The following PIP4K2A variants were observed in gnomAD, a reference collection of about 807,000 sequenced individuals.
PIP4K2A encodes the protein phosphatidylinositol-5-phosphate 4-kinase type 2 alpha.
Under a neutral mutation model 42.9 loss-of-function variants are expected in PIP4K2A, and 14 were observed. That is an observed-to-expected ratio of 0.33 (90% CI 0.22 to 0.51). PIP4K2A has a LOEUF of 0.51. Among genes scored for constraint, PIP4K2A ranks in the 20% least tolerant of loss-of-function variants. The probability of loss-of-function intolerance (pLI) is 0.97; values close to 1 mark genes in which losing one functional copy is unlikely to be tolerated. For missense variants in PIP4K2A, 434 were observed against 519.8 expected, an observed-to-expected ratio of 0.83 and a Z score of 1.61; for synonymous variants, 192 against 192.2, an observed-to-expected ratio of 1.00 and a Z score of 0.01.
chr10:22,549,149 T>C (rs1836331608), intron 7 of PIP4K2A, among the ~76,000 whole-genome samples: 1 of 152,228 alleles, frequency 6.6e-6, no homozygotes. Flanking sequence ...CAAGTATGTA[T>C]ACTATAAAGG....
intron 1 of PIP4K2A, among the ~76,000 whole-genome samples, chr10:22,671,465 C>T (rs1428191148): frequency 6.6e-6 from 1 of 152,100 alleles, no homozygotes; most frequent in Non-Finnish European, 1.5e-5. Flanking sequence ...GAATCACACT[C>T]CTAGGGTAGG....
intron 1 of PIP4K2A, among the ~76,000 whole-genome samples, chr10:22,634,465 G>C (rs1008061247): frequency 2.6e-5 from 4 of 152,206 alleles, no homozygotes; most frequent in Admixed American, 1.3e-4. Flanking sequence ...TTTTGGCCGA[G>C]TTCTTTGCAG....
At chr10:22,592,611 G>A (rs1837538676) in intron 3 of PIP4K2A, among the ~76,000 whole-genome samples, 1 of 152,128 alleles carries the variant, frequency 6.6e-6, no homozygotes, top group Admixed American at 6.5e-5. Flanking sequence ...TCCAAGATCT[G>A]GTTCATGCTA....
At chr10:22,635,716 G>A (rs1411469156) in intron 1 of PIP4K2A, among the ~76,000 whole-genome samples, 4 of 152,202 alleles carry the variant, frequency 2.6e-5, no homozygotes, top group East Asian at 1.9e-4. Context: ...GTTCTATGAC[G>A]AGGACCCTCT....
At chr10:22,546,108 C>G (rs978078715) in intron 7 of PIP4K2A, among the ~76,000 whole-genome samples, 3 of 152,204 alleles carry the variant, frequency 2.0e-5, no homozygotes, top group African/African-American at 7.2e-5. Context: ...CTGATTTGGT[C>G]TCACTCGCCA....
chr10:22,658,435 G>C (rs1182343809), intron 1 of PIP4K2A, among the ~76,000 whole-genome samples: 1 of 152,190 alleles, frequency 6.6e-6, no homozygotes, highest in East Asian at 1.9e-4. Context: ...TCATATAACT[G>C]TAAGAATCTG....
chr10:22,681,982 C>G (rs1468952984), intron 1 of PIP4K2A, among the ~76,000 whole-genome samples: 2 of 152,036 alleles, frequency 1.3e-5, no homozygotes, highest in African/African-American at 2.4e-5. Context: ...TTATGAAATA[C>G]TTTTTTAGAA....
intron 4 of PIP4K2A, among the ~76,000 whole-genome samples, chr10:22,573,876 G>A (rs1304282580): frequency 6.6e-6 from 1 of 152,256 alleles, no homozygotes; most frequent in African/African-American, 2.4e-5. Context: ...TTCTCTAACA[G>A]TGTTGAAGTC....
At chr10:22,706,251 A>G (rs1833820462) in intron 1 of PIP4K2A, among the ~76,000 whole-genome samples, 1 of 151,994 alleles carries the variant, frequency 6.6e-6, no homozygotes, top group Admixed American at 6.6e-5. Flanking sequence ...CCTCATTGTT[A>G]CCTCCTCTCA....
chr10:22,590,547 C>T (rs1837487962), intron 4 of PIP4K2A, among the ~76,000 whole-genome samples: 1 of 152,170 alleles, frequency 6.6e-6, no homozygotes. Context: ...ATTATCCCGA[C>T]TGTATAAACA....
chr10:22,669,676 C>T (rs574524860), intron 1 of PIP4K2A, among the ~76,000 whole-genome samples: 9 of 152,128 alleles, frequency 5.9e-5, no homozygotes, highest in Admixed American at 1.3e-4. Flanking sequence ...GAGGACACCA[C>T]GGATGCAGGA....
intron 1 of PIP4K2A, among the ~76,000 whole-genome samples, chr10:22,666,363 TA>T (rs1839352399): frequency 6.6e-6 from 1 of 152,224 alleles, no homozygotes; most frequent in African/African-American, 2.4e-5. Context: ...GAGAAAAACG[TA>T]CCCTCATATA....
At chr10:22,599,964 C>G (rs1179116174) in intron 3 of PIP4K2A, among the ~76,000 whole-genome samples, 1 of 152,050 alleles carries the variant, frequency 6.6e-6, no homozygotes. Flanking sequence ...CTCTAAACGT[C>G]TGCGCTGAAG....
intron 1 of PIP4K2A, among the ~76,000 whole-genome samples, chr10:22,640,877 G>A (rs1051720141): frequency 1.2e-4 from 19 of 152,076 alleles, no homozygotes; most frequent in African/African-American, 4.6e-4. Context: ...GCAAGGATGT[G>A]GAGCCCAATG....
intron 1 of PIP4K2A, among the ~76,000 whole-genome samples, chr10:22,688,217 T>C (rs947255713): frequency 1.4e-4 from 21 of 152,230 alleles, no homozygotes; most frequent in African/African-American, 5.1e-4. Flanking sequence ...CTGAATACAG[T>C]AAGAAAGCGA....
chr10:22,690,019 A>G (rs1005171520), intron 1 of PIP4K2A, among the ~76,000 whole-genome samples: 1 of 152,206 alleles, frequency 6.6e-6, no homozygotes, highest in Non-Finnish European at 1.5e-5. Context: ...TGCTTGTCCA[A>G]AGACATTTTA....
intron 1 of PIP4K2A, among the ~76,000 whole-genome samples, chr10:22,641,458 T>A (rs1838782162): frequency 6.6e-6 from 1 of 152,156 alleles, no homozygotes; most frequent in South Asian, 2.1e-4. Context: ...TTTCTTTTTT[T>A]AAAGATGGGG....
At position 22,686,544 on chromosome 10, in the gene PIP4K2A, A is replaced by G. The variant is rs76583206; in HGVS notation, c.144+27639T>C. On this transcript the variant is annotated intron_variant, in intron 1 of 9. Coordinates refer to ENST00000376573, the MANE Select transcript of PIP4K2A (RefSeq NM_005028.5). ...CAAGCTGGAGTGCAGTGTTGCAATC[A>G]AAGCTCAATGCAGCCTTGAACTCCT... Among the ~76,000 whole-genome samples, 803 of 152,296 alleles carry G rather than the reference A, an allele frequency of 5.3e-3. 10 individuals are homozygous for G. The highest frequency in any genetic ancestry group is 0.018 in the African/African-American group (759 of 41,580).
At chr10:22,681,505 C>G (rs1307488893) in intron 1 of PIP4K2A, among the ~76,000 whole-genome samples, 1 of 152,026 alleles carries the variant, frequency 6.6e-6, no homozygotes, top group Non-Finnish European at 1.5e-5. Context: ...GAGACCTTGT[C>G]TCTTCAAAAA....
Sources: gnomAD v4.1 joint callset for allele counts (sites outside exome capture counted in the v4.1 genomes callset) on GRCh38, gnomAD v4.1.1 for gene constraint, MANE v1.5 for transcripts, NCBI Gene and HGNC (gene_info 2026-07-23, HGNC 2026-07-21) for gene names.